The following PARD3B variants were observed in gnomAD, a reference collection of about 807,000 sequenced individuals.
PARD3B encodes par-3 family cell polarity regulator beta, also known as partitioning defective 3 homolog B.
Under a neutral mutation model 130.2 loss-of-function variants are expected in PARD3B, and 103 were observed. The ratio of observed to expected loss-of-function variants is 0.79; its 90% confidence interval spans 0.67 to 0.93. The LOEUF (loss-of-function observed/expected upper bound fraction) is 0.93. Among genes scored for constraint, PARD3B ranks in the 40% least tolerant of loss-of-function variants. PARD3B has a pLI of 0.00. For synonymous variants in PARD3B, 583 were observed against 553.2 expected (o/e 1.05, Z -0.76); for missense variants, 1,609 against 1,499.2 (o/e 1.07, Z -1.21).
At chr2:204,905,494 G>A (rs773003022) in intron 2 of PARD3B, among the ~76,000 whole-genome samples, 155 of 152,328 alleles carry the variant, frequency 1.0e-3, no homozygotes, top group Non-Finnish European at 1.8e-3. Context: ...TTAAAGGGAA[G>A]ATAGTCAAGT....
At chr2:205,472,955 GAATGAATA>G (rs2048889782) in intron 20 of PARD3B, among the ~76,000 whole-genome samples, 2 of 152,026 alleles carry the variant, frequency 1.3e-5, no homozygotes, top group South Asian at 4.2e-4. Flanking sequence ...ATAAATAAGT[GAATGAATA>G]AATGAATGAA....
intron 3 of PARD3B, among the ~76,000 whole-genome samples, chr2:204,971,171 A>C (rs1386480701): frequency 6.6e-6 from 1 of 152,182 alleles, no homozygotes; most frequent in Non-Finnish European, 1.5e-5. Flanking sequence ...TTTTTAAGCA[A>C]ACCAAATCCC....
chr2:205,432,438 C>A (rs2106132383), intron 19 of PARD3B, among the ~76,000 whole-genome samples: 1 of 152,248 alleles, frequency 6.6e-6, no homozygotes, highest in Admixed American at 6.5e-5. Context: ...CCCTGTTTGC[C>A]CTAAGTCCCT....
chr2:204,845,693 G>C (rs1267645110), intron 2 of PARD3B, among the ~76,000 whole-genome samples: 2 of 152,006 alleles, frequency 1.3e-5, no homozygotes, highest in East Asian at 3.9e-4. Context: ...CCTCTACATA[G>C]GTTACAAGTG....
At chr2:205,008,783 C>T (rs1429502242) in intron 3 of PARD3B, among the ~76,000 whole-genome samples, 1 of 152,134 alleles carries the variant, frequency 6.6e-6, no homozygotes, top group African/African-American at 2.4e-5. Flanking sequence ...TACATTATTT[C>T]ATGTGATGGA....
At chr2:205,076,804 G>A (rs1271003043) in intron 4 of PARD3B, among the ~76,000 whole-genome samples, 1 of 152,030 alleles carries the variant, frequency 6.6e-6, no homozygotes, top group Non-Finnish European at 1.5e-5. Flanking sequence ...CATGAAACTG[G>A]TCCCTGGTGC....
At position 204,803,162 on chromosome 2, in the gene PARD3B, A is replaced by AT. The variant is rs34017624; in HGVS notation, c.222+116880_222+116881insT. 5.2e-3 allele frequency among the ~76,000 whole-genome samples: 647 copies of AT among 124,916 alleles called. 2 individuals are homozygous for AT. The highest frequency in any genetic ancestry group is 0.014 in the South Asian group (54 of 3,874). 81.9% of individuals were successfully genotyped at this position (124,916 alleles called of 152,430 possible). A position where few individuals can be genotyped will look rare whatever the true frequency, so the allele number is the denominator to read the frequency against. ...GCTGAAGGAAAAAAAAAAAAAAAAAAAATATATATATATATATATAATCCT... is the reference window on the plus strand; with the variant it reads ...GCTGAAGGAAAAAAAAAAAAAAAAAATAATATATATATATATATATAATCCT... On this transcript the variant is annotated intron_variant, in intron 2 of 22. Transcript: ENST00000406610.
At position 205,326,883 on chromosome 2, in the gene PARD3B, T is replaced by C. The variant is rs140770544; in HGVS notation, c.2630+25182T>C. Among the ~76,000 whole-genome samples the C allele has an allele frequency of 2.0e-5, 3 of 152,262 alleles. No individual in the cohort carries two copies. In the East Asian group the frequency reaches 5.8e-4, roughly 29 times the overall value. On this transcript the variant is annotated intron_variant, in intron 18 of 22. Transcript: ENST00000406610. ...TAGCAAGACAGAATAAAAATCAATA[T>C]TAATCAGACTAGACAAATGCTTCTA...
chr2:205,492,648 C>T (rs992213306), intron 20 of PARD3B, among the ~76,000 whole-genome samples: 1 of 151,834 alleles, frequency 6.6e-6, no homozygotes, highest in East Asian at 1.9e-4. Flanking sequence ...GTCAATGCAC[C>T]TTTGAAAAAA....
chr2:204,976,553 T>C lies in PARD3B; in HGVS notation c.394+11230T>C, dbSNP rs540093083. Among the ~76,000 whole-genome samples, 7 of 151,964 alleles carry C rather than the reference T, an allele frequency of 4.6e-5. No homozygotes were observed. In the South Asian group the frequency reaches 1.0e-3, roughly 23 times the overall value. On this transcript the variant is annotated intron_variant, in intron 3 of 22. Coordinates refer to ENST00000406610, the MANE Select transcript of PARD3B (RefSeq NM_001302769.2). The stretch of plus-strand genomic sequence containing the variant: ...GTTAATTTCATTATTATATTTATTA[T>C]GGATCATTTGGAGGAAAAAATAAAA...
At chr2:204,902,944 A>G (rs887063430) in intron 2 of PARD3B, among the ~76,000 whole-genome samples, 4 of 152,214 alleles carry the variant, frequency 2.6e-5, no homozygotes, top group African/African-American at 4.8e-5. Context: ...TGGAAATGGT[A>G]GGTGGTGATG....
intron 22 of PARD3B, among the ~76,000 whole-genome samples, chr2:205,612,996 C>T (rs898460981): frequency 6.6e-6 from 1 of 152,120 alleles, no homozygotes; most frequent in African/African-American, 2.4e-5. Context: ...TGCCCTGTCA[C>T]CACTTGATCT....
chr2:204,889,136 G>T (rs187474423), intron 2 of PARD3B, among the ~76,000 whole-genome samples: 283 of 152,212 alleles, frequency 1.9e-3, no homozygotes, highest in African/African-American at 6.3e-3. Flanking sequence ...TTGCCTCCCA[G>T]TTACTCTAGA....
In PARD3B at chr2:205,253,867, A is replaced by G. The variant is rs542763533; in HGVS notation, c.2185+8045A>G. 6.6e-6 allele frequency among the ~76,000 whole-genome samples: 1 copy of G among 152,144 alleles called. No homozygotes were observed. Among genetic ancestry groups the G allele is most frequent in the Non-Finnish European group, 1.5e-5 (1 of 68,008 alleles). On this transcript the variant is annotated intron_variant, in intron 16 of 22. Transcript: ENST00000406610. This position sits in a 1 kb window ranked among gnomAD's most constrained non-coding sequence, Gnocchi z 4.4. ...GAAAGCTGCTGAGAAAGTAGAATTC[A>G]TAGTGGAGAACTGCATTTCAATTAA...
intron 16 of PARD3B, among the ~76,000 whole-genome samples, chr2:205,282,844 G>T (rs1283520717): frequency 6.6e-6 from 1 of 152,124 alleles, no homozygotes; most frequent in East Asian, 1.9e-4. Context: ...ACAAAAAGAA[G>T]GTTTGGGTGT....
intron 10 of PARD3B, among the ~76,000 whole-genome samples, chr2:205,137,636 G>T (rs1256946517): frequency 6.6e-6 from 1 of 152,104 alleles, no homozygotes; most frequent in Non-Finnish European, 1.5e-5. Context: ...TTCTTCCCCT[G>T]CCAGTTTCGT....
intron 2 of PARD3B, among the ~76,000 whole-genome samples, chr2:204,861,112 T>A (rs1272302162): frequency 1.3e-5 from 2 of 151,520 alleles, no homozygotes; most frequent in African/African-American, 4.8e-5. Context: ...CATTGGGGGC[T>A]GCTACAATTT....
At chr2:204,838,987 A>G (rs1286999350) in intron 2 of PARD3B, among the ~76,000 whole-genome samples, 1 of 133,052 alleles carries the variant, frequency 7.5e-6, no homozygotes, top group Admixed American at 7.4e-5. Flanking sequence ...TAAGTTGAGG[A>G]AAGAGATTTT....
intron 2 of PARD3B, among the ~76,000 whole-genome samples, chr2:204,885,835 A>C (rs1489539582): frequency 1.3e-5 from 2 of 152,090 alleles, no homozygotes; most frequent in African/African-American, 2.4e-5. Context: ...GTAGAGCTTC[A>C]CATATTTTAT....
Sources: allele counts gnomAD v4.1 joint callset (sites outside exome capture counted in the v4.1 genomes callset), GRCh38; gene constraint gnomAD v4.1.1; non-coding constraint Gnocchi (gnomAD v3.1); transcripts MANE v1.5; gene names NCBI Gene and HGNC (gene_info 2026-07-23, HGNC 2026-07-21).